Variants in GRK7 observed in about 807,000 individuals in gnomAD.
GRK7 encodes the protein G protein-coupled receptor kinase 7, also known as rhodopsin kinase GRK7.
GRK7 carries 24 observed loss-of-function variants against 34.1 expected under a neutral mutation model. The observed-to-expected ratio is 0.70, with a 90% CI of 0.51 to 0.99. GRK7 has a LOEUF of 0.99. Ranked by LOEUF, GRK7 falls within the 50% of genes least tolerant of loss-of-function variation. The pLI is 0.00. For synonymous variants in GRK7, 256 were observed against 279.4 expected, an observed-to-expected ratio of 0.92 and a Z score of 0.84; for missense variants, 644 against 707.3, an observed-to-expected ratio of 0.91 and a Z score of 1.02.
At chr3:141,762,331 A>G (rs1439028037), upstream of GRK7, among the ~76,000 whole-genome samples, 1 of 149,654 alleles carries the variant, frequency 6.7e-6, no homozygotes, top group East Asian at 2.0e-4. Context: ...TTTCCTTCTA[A>G]CAGACAGGAC....
chr3:141,815,152 T>C (rs1711138789), intron 5 of GRK7, among the ~76,000 whole-genome samples: 1 of 152,082 alleles, frequency 6.6e-6, no homozygotes, highest in African/African-American at 2.4e-5. Context: ...CTCAAACTCC[T>C]GAGCTCAGGC....
the GRK7 span, among the ~76,000 whole-genome samples, chr3:141,753,491 CAT>C: frequency 6.6e-6 from 1 of 152,178 alleles, no homozygotes; most frequent in East Asian, 1.9e-4. Flanking sequence ...GTTAGATTCT[CAT>C]AAGGAGCGCC....
At chr3:141,797,141 C>T (rs532298100) in intron 4 of GRK7, among the ~76,000 whole-genome samples, 4 of 152,330 alleles carry the variant, frequency 2.6e-5, no homozygotes, top group African/African-American at 9.6e-5. Flanking sequence ...TTGTGACGAC[C>T]CCTCTTTTGG....
At chr3:141,750,986 A>G in the GRK7 span, among the ~76,000 whole-genome samples, 1 of 152,070 alleles carries the variant, frequency 6.6e-6, no homozygotes, top group Non-Finnish European at 1.5e-5. Flanking sequence ...GTAGTGTGTG[A>G]TGGCCATGCC....
At chr3:141,800,660 T>C (rs1264552556) in intron 4 of GRK7, among the ~76,000 whole-genome samples, 5 of 152,200 alleles carry the variant, frequency 3.3e-5, no homozygotes, top group Non-Finnish European at 5.9e-5. Flanking sequence ...ATCTTAAAGA[T>C]ATGTTAAATA....
At chr3:141,800,247 C>T (rs1710943053) in intron 4 of GRK7, among the ~76,000 whole-genome samples, 1 of 152,052 alleles carries the variant, frequency 6.6e-6, no homozygotes, top group African/African-American at 2.4e-5. Flanking sequence ...TGATACTTCT[C>T]AGGTGGGGTA....
At chr3:141,766,612 G>A (rs1414743933) in intron 1 of GRK7, among the ~76,000 whole-genome samples, 1 of 151,636 alleles carries the variant, frequency 6.6e-6, no homozygotes, top group Non-Finnish European at 1.5e-5. Context: ...AGTCTTTTAT[G>A]TCCTACTAAA....
At chr3:141,787,777 G>C (rs547422415) in intron 4 of GRK7, among the ~76,000 whole-genome samples, 20 of 152,052 alleles carry the variant, frequency 1.3e-4, no homozygotes, top group Admixed American at 1.0e-3. Context: ...GGAAGCCAAG[G>C]TGGGAGAATC....
At chr3:141,806,727 C>T (rs1200637159) in intron 4 of GRK7, among the ~76,000 whole-genome samples, 3 of 151,868 alleles carry the variant, frequency 2.0e-5, no homozygotes, top group South Asian at 4.2e-4. Context: ...GGTTGCCTGG[C>T]GTTGAGGGGA....
chr3:141,762,381 G>A (rs922676564), upstream of GRK7, among the ~76,000 whole-genome samples: 4 of 145,690 alleles, frequency 2.7e-5, no homozygotes, highest in South Asian at 2.4e-4. Flanking sequence ...GCCGTGTGAG[G>A]TGTCAGTGTG....
intron 5 of GRK7, 48 bp downstream of exon 5, chr3:141,807,967 C>T: frequency 6.7e-7 from 1 of 1,489,798 alleles, no homozygotes; most frequent in Non-Finnish European, 9.0e-7. Context: ...GTATTGTCCA[C>T]AGGGATTAGG....
rs2084597806 is a variant in GRK7, at chr3:141,768,064, A to G, written c.-215+2326A>G. Among the ~76,000 whole-genome samples the G allele has an allele frequency of 2.0e-5, 3 of 152,218 alleles. No homozygotes were observed. The South Asian group carries it at 6.2e-4, about 32-fold the overall frequency. ...TAGAAAATGAATTGTTCATTCCTCT[A>G]TGTTCCCCTTGGATTTGGTGCCTAC... is the stretch of plus-strand genomic sequence containing the variant. On this transcript the variant is annotated intron_variant, in intron 1 of 5. Transcript: ENST00000682958.
At chr3:141,751,608 T>TG in the GRK7 span, among the ~76,000 whole-genome samples, 4 of 152,306 alleles carry the variant, frequency 2.6e-5, no homozygotes, top group African/African-American at 7.2e-5. Flanking sequence ...GTGTGGGGTA[T>TG]GGGGGGTCTG....
intron 4 of GRK7, among the ~76,000 whole-genome samples, chr3:141,788,873 G>A (rs1299865133): frequency 6.6e-6 from 1 of 152,106 alleles, no homozygotes; most frequent in Non-Finnish European, 1.5e-5. Context: ...TCATTCTGTC[G>A]CCCAGGCTGG....
At chr3:141,803,419 C>CAA (rs112674890) in intron 4 of GRK7, among the ~76,000 whole-genome samples, 2,397 of 147,964 alleles carry the variant, frequency 0.016, 62 homozygotes, top group African/African-American at 0.056. Context: ...ACAGATGTCT[C>CAA]AAAAAAAAAA....
upstream of GRK7, among the ~76,000 whole-genome samples, chr3:141,762,921 TGGAAAG>T (rs1052211588): frequency 1.3e-5 from 2 of 151,860 alleles, no homozygotes; most frequent in African/African-American, 4.8e-5. Context: ...TTCTTTGACT[TGGAAAG>T]GGAACTCCCT....
At chr3:141,783,403 CA>C (rs2107880190) in intron 4 of GRK7, among the ~76,000 whole-genome samples, 1 of 152,320 alleles carries the variant, frequency 6.6e-6, no homozygotes, top group African/African-American at 2.4e-5. Flanking sequence ...GAACTTGAGG[CA>C]GGGGTGAAGG....
chr3:141,756,008 TAAAAA>T, the GRK7 span, among the ~76,000 whole-genome samples: 5 of 137,550 alleles, frequency 3.6e-5, no homozygotes, highest in Admixed American at 7.4e-5. Flanking sequence ...CTCAGCAGTT[TAAAAA>T]AAAAAAAAAA....
upstream of GRK7, among the ~76,000 whole-genome samples, chr3:141,761,743 T>C (rs2084555559): frequency 7.6e-6 from 1 of 131,736 alleles, no homozygotes; most frequent in Admixed American, 8.0e-5. Flanking sequence ...CGCATCACTT[T>C]CAGGTACACC....
Sources: allele counts gnomAD v4.1 joint callset (sites outside exome capture counted in the v4.1 genomes callset), GRCh38; gene constraint gnomAD v4.1.1; transcripts MANE v1.5; gene names NCBI Gene and HGNC (gene_info 2026-07-23, HGNC 2026-07-21).